Variants in LSM3 observed in about 807,000 individuals in gnomAD.
LSM3 encodes the protein U6 snRNA-associated Sm-like protein LSm3.
A neutral mutation model predicts 15.4 loss-of-function variants in LSM3; 14 were observed. The ratio of observed to expected loss-of-function variants is 0.91; its 90% confidence interval spans 0.60 to 1.42. The LOEUF (loss-of-function observed/expected upper bound fraction) is 1.42. LSM3 is among the 40% of genes most tolerant of loss of function. LSM3 has a pLI of 0.00. For synonymous variants in LSM3, 46 were observed against 45.1 expected (o/e 1.02, Z -0.08); for missense variants, 88 against 127.9 (o/e 0.69, Z 1.50).
At chr3:14,183,459 T>C (rs1186398877) in intron 2 of LSM3, among the ~76,000 whole-genome samples, 1 of 152,260 alleles carries the variant, frequency 6.6e-6, no homozygotes, top group Non-Finnish European at 1.5e-5. Flanking sequence ...ACATGTGGTC[T>C]ACTGTGTGCC....
At chr3:14,187,571 ACT>A (rs989004810) in intron 3 of LSM3, among the ~76,000 whole-genome samples, 1 of 151,912 alleles carries the variant, frequency 6.6e-6, no homozygotes, top group African/African-American at 2.4e-5. Context: ...CAACTACTTC[ACT>A]CTCCTGTGCG....
intron 3 of LSM3, among the ~76,000 whole-genome samples, chr3:14,194,143 G>C (rs1697166877): frequency 6.6e-6 from 1 of 152,236 alleles, no homozygotes; most frequent in Non-Finnish European, 1.5e-5. Flanking sequence ...CTTCAACCCA[G>C]AGGGGCACCT....
intron 2 of LSM3, among the ~76,000 whole-genome samples, chr3:14,182,621 GTGT>G (rs1697050596): frequency 6.6e-6 from 1 of 152,156 alleles, no homozygotes; most frequent in Admixed American, 6.5e-5. Context: ...TTTCCTAAGT[GTGT>G]TGTTTTTAGT....
intron 3 of LSM3, among the ~76,000 whole-genome samples, chr3:14,196,785 C>T (rs531068879): frequency 3.4e-4 from 51 of 152,196 alleles, no homozygotes; most frequent in Non-Finnish European, 5.9e-4. Flanking sequence ...TGCTGGAAGA[C>T]GCAAATAGTC....
chr3:14,181,940 G>A lies in LSM3; in HGVS notation c.132+270G>A, dbSNP rs375657832. On this transcript the variant is annotated intron_variant, in intron 2 of 3. Coordinates refer to ENST00000306024, the MANE Select transcript of LSM3 (RefSeq NM_014463.3). ...AATAATATTTACTTGTCCTCCATTC[G>A]TAAATGTTTTTTAAATTTAAAACAC... 6.8e-3 allele frequency among the ~76,000 whole-genome samples: 1,027 copies of A among 151,698 alleles called. 16 individuals carry two copies. Among genetic ancestry groups the A allele is most frequent in the African/African-American group, 0.023 (969 of 41,300 alleles).
rs1697213222 is a variant in LSM3, at chr3:14,199,144, C to G, written c.*1028C>G. On this transcript the variant is annotated 3_prime_UTR_variant, in exon 4 of 4. Transcript: ENST00000306024. Reference sequence around the variant, plus strand: ...TCATAACCTGTTTATAATTATGACTCAGACCATTTTTCCACTCTTGGATCA... The same window carrying G: ...TCATAACCTGTTTATAATTATGACTGAGACCATTTTTCCACTCTTGGATCA... 1.3e-5 allele frequency: 2 copies of G among 152,188 alleles called. No homozygotes were observed. The highest frequency in any genetic ancestry group is 6.5e-5 in the Admixed American group (1 of 15,278). The allele number at this position is 152,188 out of a possible 1,614,324, so 9.4% of individuals were successfully genotyped here. A position where few individuals can be genotyped will look rare whatever the true frequency, so the allele number is the denominator to read the frequency against.
intron 3 of LSM3, among the ~76,000 whole-genome samples, chr3:14,197,465 C>T (rs1697196798): frequency 6.6e-6 from 1 of 152,242 alleles, no homozygotes; most frequent in African/African-American, 2.4e-5. Context: ...GTATCCATTC[C>T]ATATGTGTGA....
intron 1 of LSM3, among the ~76,000 whole-genome samples, chr3:14,179,745 T>C (rs1241983310): frequency 6.6e-6 from 1 of 152,228 alleles, no homozygotes; most frequent in Non-Finnish European, 1.5e-5. Context: ...AAAAAATATT[T>C]GAGTGAATGA....
At chr3:14,180,820 C>CTTTTTTTTTTTTTTTTTTTTTTT (rs1436714313) in intron 1 of LSM3, among the ~76,000 whole-genome samples, 1 of 51,398 alleles carries the variant, frequency 1.9e-5, no homozygotes, top group African/African-American at 7.6e-5. Flanking sequence ...TGCTTGCTTG[C>CTTTTTTTTTTTTTTTTTTTTTTT]CTTTTTTTTT....
chr3:14,197,988 A>C, intron 3 of LSM3, 48 bp from the exon 4 acceptor site: 1 of 1,407,352 alleles, frequency 7.1e-7, no homozygotes, highest in Non-Finnish European at 1.0e-6. Context: ...AACAATAAGC[A>C]GTAATACACA....
chr3:14,181,926 C>T (rs1697043025), intron 2 of LSM3, among the ~76,000 whole-genome samples: 1 of 152,054 alleles, frequency 6.6e-6, no homozygotes, highest in African/African-American at 2.4e-5. Flanking sequence ...ATAATATTTA[C>T]TTGTCCTCCA....
At chr3:14,193,219 T>C (rs1697157223) in intron 3 of LSM3, among the ~76,000 whole-genome samples, 1 of 152,214 alleles carries the variant, frequency 6.6e-6, no homozygotes, top group Non-Finnish European at 1.5e-5. Flanking sequence ...GTTTTTTCCT[T>C]CATTTCAACC....
intron 1 of LSM3, among the ~76,000 whole-genome samples, chr3:14,180,861 A>ATTT (rs1559390263): frequency 1.8e-5 from 2 of 112,296 alleles, no homozygotes; most frequent in African/African-American, 6.9e-5. Context: ...TTTTTTTAAA[A>ATTT]AAAAAAAAGA....
Position 14,180,680 on chromosome 3 carries a change from A to G in LSM3, c.22-880A>G, listed in dbSNP as rs115552566. 7.8e-3 allele frequency among the ~76,000 whole-genome samples: 1,186 copies of G among 152,214 alleles called. 20 individuals carry two copies. The highest frequency in any genetic ancestry group is 0.025 in the African/African-American group (1,029 of 41,514). On this transcript the variant is annotated intron_variant, in intron 1 of 3. Transcript: ENST00000306024. Reference sequence around the variant, plus strand: ...GTTTAATCCTCATAAGAACCCAGAAAGAAGGTTGTGGCTTTCTCAATTACA... The same window carrying G: ...GTTTAATCCTCATAAGAACCCAGAAGGAAGGTTGTGGCTTTCTCAATTACA...
intron 3 of LSM3, among the ~76,000 whole-genome samples, chr3:14,187,052 T>G (rs926143829): frequency 1.3e-5 from 2 of 152,242 alleles, no homozygotes; most frequent in Non-Finnish European, 2.9e-5. Context: ...GAAATGACTC[T>G]TCAACTGTGG....
intron 1 of LSM3, among the ~76,000 whole-genome samples, chr3:14,180,721 A>T (rs887600387): frequency 6.6e-6 from 1 of 151,590 alleles, no homozygotes; most frequent in East Asian, 2.0e-4. Flanking sequence ...AGAATCTGAG[A>T]ATTACAGATG....
At chr3:14,187,044 A>T (rs1161595873) in intron 3 of LSM3, among the ~76,000 whole-genome samples, 2 of 152,164 alleles carry the variant, frequency 1.3e-5, no homozygotes, top group Non-Finnish European at 1.5e-5. Context: ...TTGTGACAGA[A>T]ATGACTCTTC....
intron 3 of LSM3, among the ~76,000 whole-genome samples, chr3:14,185,710 A>G (rs1036493781): frequency 3.3e-5 from 5 of 152,232 alleles, no homozygotes; most frequent in African/African-American, 1.2e-4. Context: ...AAACGGTAAC[A>G]GTAAACTTTT....
At chr3:14,179,429 A>G (rs1040018564) in intron 1 of LSM3, among the ~76,000 whole-genome samples, 1 of 152,230 alleles carries the variant, frequency 6.6e-6, no homozygotes, top group African/African-American at 2.4e-5. Context: ...GCAGAATAAC[A>G]GATGGTCCTA....
Sources: gnomAD v4.1 joint callset for allele counts (sites outside exome capture counted in the v4.1 genomes callset) on GRCh38, gnomAD v4.1.1 for gene constraint, MANE v1.5 for transcripts, NCBI Gene and HGNC (gene_info 2026-07-23, HGNC 2026-07-21) for gene names.